CNTNAP2: variants seen among roughly 807,000 people sequenced by gnomAD.
The protein encoded by CNTNAP2 is contactin-associated protein-like 2.
In CNTNAP2, 98 loss-of-function variants were observed where a neutral mutation model predicts 155.2. That is an observed-to-expected ratio of 0.63 (90% CI 0.54 to 0.75). CNTNAP2 has a LOEUF of 0.75. CNTNAP2 is among the 30% of genes least tolerant of loss of function. The pLI is 0.00. For synonymous variants in CNTNAP2, 651 were observed against 631.2 expected (o/e 1.03, Z -0.47); for missense variants, 1,727 against 1,688.1 (o/e 1.02, Z -0.40).
At chr7:147,672,985 G>A (rs1241589402) in intron 13 of CNTNAP2, 1 of 152,046 alleles carries the variant, frequency 6.6e-6, no homozygotes, top group Non-Finnish European at 1.5e-5. Flanking sequence ...CCATAATAAT[G>A]AACAGCAACC....
At chr7:147,812,752 A>C (rs1798201325) in intron 13 of CNTNAP2, among the ~76,000 whole-genome samples, 1 of 152,146 alleles carries the variant, frequency 6.6e-6, no homozygotes, top group Non-Finnish European at 1.5e-5. Context: ...CTTTTTAAAA[A>C]ATGCTTGTTT....
chr7:146,853,205 T>C (rs1424757356), intron 3 of CNTNAP2, among the ~76,000 whole-genome samples: 2 of 152,220 alleles, frequency 1.3e-5, no homozygotes, highest in African/African-American at 2.4e-5. Flanking sequence ...TGATTACATA[T>C]CTTTAATATG....
intron 10 of CNTNAP2, among the ~76,000 whole-genome samples, chr7:147,482,356 G>GA (rs1000434223): frequency 1.3e-4 from 20 of 152,142 alleles, no homozygotes; most frequent in African/African-American, 4.6e-4. Flanking sequence ...AGTTGGTTAG[G>GA]AAATAAAACA....
chr7:148,073,691 T>C (rs574422671), intron 15 of CNTNAP2, among the ~76,000 whole-genome samples: 370 of 152,316 alleles, frequency 2.4e-3, no homozygotes, highest in African/African-American at 8.6e-3. Context: ...TTTACATAGA[T>C]GTGTATGTAT....
chr7:146,313,666 T>G (rs543823670), intron 1 of CNTNAP2, among the ~76,000 whole-genome samples: 36 of 152,242 alleles, frequency 2.4e-4, no homozygotes, highest in African/African-American at 8.7e-4. Flanking sequence ...AGTATCTTTG[T>G]AGTTTTAGGT....
chr7:147,676,110 GTTC>G (rs893186306), intron 13 of CNTNAP2, among the ~76,000 whole-genome samples: 19 of 135,268 alleles, frequency 1.4e-4, no homozygotes, highest in Non-Finnish European at 2.6e-4. Flanking sequence ...TTTCTATAGA[GTTC>G]TTCTTTCCTT....
intron 1 of CNTNAP2, among the ~76,000 whole-genome samples, chr7:146,567,331 T>G (rs959530048): frequency 6.6e-6 from 1 of 152,158 alleles, no homozygotes; most frequent in Non-Finnish European, 1.5e-5. Context: ...ACATGTTAAA[T>G]AAAAGGAACA....
chr7:147,428,396 T>C (rs367660716), intron 10 of CNTNAP2, among the ~76,000 whole-genome samples: 21 of 152,162 alleles, frequency 1.4e-4, no homozygotes, highest in African/African-American at 4.8e-4. Flanking sequence ...CAGTGTAAGA[T>C]GAAGGCCCTC....
chr7:147,780,447 A>G (rs1029380714), intron 13 of CNTNAP2, among the ~76,000 whole-genome samples: 1 of 152,064 alleles, frequency 6.6e-6, no homozygotes, highest in Admixed American at 6.5e-5. Flanking sequence ...TTCTGAGGTC[A>G]GTATTTATAC....
chr7:147,374,850 C>G (rs1465170250), intron 9 of CNTNAP2, among the ~76,000 whole-genome samples: 1 of 151,982 alleles, frequency 6.6e-6, no homozygotes, highest in African/African-American at 2.4e-5. Flanking sequence ...TGTTACTATA[C>G]ACTCAGTAAT....
At chr7:146,120,753 A>G (rs1797549860) in intron 1 of CNTNAP2, among the ~76,000 whole-genome samples, 1 of 152,190 alleles carries the variant, frequency 6.6e-6, no homozygotes, top group African/African-American at 2.4e-5. Context: ...GATGAGATAC[A>G]CAAAGAGGCA....
chr7:147,498,141 C>T (rs372292781), intron 11 of CNTNAP2, among the ~76,000 whole-genome samples: 44 of 147,014 alleles, frequency 3.0e-4, no homozygotes, highest in African/African-American at 1.0e-3. Context: ...CTGTGTGTTA[C>T]AGCACCTGAT....
intron 2 of CNTNAP2, among the ~76,000 whole-genome samples, chr7:146,809,333 A>G (rs1285067896): frequency 6.6e-6 from 1 of 152,036 alleles, no homozygotes; most frequent in Non-Finnish European, 1.5e-5. Context: ...TTGTTCATGT[A>G]TCTGCTGGCC....
chr7:148,135,161 G>T (rs952977701), intron 16 of CNTNAP2, among the ~76,000 whole-genome samples: 3 of 151,894 alleles, frequency 2.0e-5, no homozygotes, highest in African/African-American at 7.3e-5. Context: ...TATTGTTTTG[G>T]TAATATAACC....
At chr7:147,868,555 T>G (rs1799271949) in intron 13 of CNTNAP2, among the ~76,000 whole-genome samples, 1 of 152,236 alleles carries the variant, frequency 6.6e-6, no homozygotes, top group South Asian at 2.1e-4. Context: ...TGCCTTTTCT[T>G]GAGCTATGCC....
At chr7:146,641,798 T>C (rs371423680) in intron 1 of CNTNAP2, among the ~76,000 whole-genome samples, 1 of 152,214 alleles carries the variant, frequency 6.6e-6, no homozygotes, top group East Asian at 1.9e-4. Flanking sequence ...TCATAGAGAT[T>C]CAGAACAGAT....
intron 11 of CNTNAP2, among the ~76,000 whole-genome samples, chr7:147,511,324 A>C (rs548159719): frequency 1.3e-5 from 2 of 152,204 alleles, no homozygotes; most frequent in African/African-American, 4.8e-5. Flanking sequence ...TACACTATTT[A>C]AGAGTGTTAT....
intron 14 of CNTNAP2, among the ~76,000 whole-genome samples, chr7:147,947,548 A>G (rs1478485652): frequency 1.3e-5 from 2 of 151,826 alleles, no homozygotes; most frequent in African/African-American, 4.8e-5. Flanking sequence ...AGAATTGCTT[A>G]AGCCAGGGAG....
intron 19 of CNTNAP2, among the ~76,000 whole-genome samples, chr7:148,224,045 T>G (rs1795798032): frequency 6.6e-6 from 1 of 151,464 alleles, no homozygotes; most frequent in African/African-American, 2.4e-5. Flanking sequence ...TCTACACTTG[T>G]AACCAGGCAG....
Sources: allele counts gnomAD v4.1 joint callset (sites outside exome capture counted in the v4.1 genomes callset), GRCh38; gene constraint gnomAD v4.1.1; transcripts MANE v1.5; gene names NCBI Gene and HGNC (gene_info 2026-07-23, HGNC 2026-07-21).